Variants in CFAP54 observed in about 807,000 individuals in gnomAD.
CFAP54 encodes cilia- and flagella-associated protein 54.
Under a neutral mutation model 370.4 loss-of-function variants are expected in CFAP54, and 290 were observed. That is an observed-to-expected ratio of 0.78 (90% CI 0.71 to 0.86). The LOEUF (loss-of-function observed/expected upper bound fraction) is 0.86. Among genes scored for constraint, CFAP54 ranks in the 40% least tolerant of loss-of-function variants. CFAP54 has a pLI of 0.00. For missense variants in CFAP54, 3,399 were observed against 3,528.7 expected, an observed-to-expected ratio of 0.96 and a Z score of 0.93; for synonymous variants, 1,206 against 1,236.5, an observed-to-expected ratio of 0.98 and a Z score of 0.52.
Position 96,656,481 on chromosome 12 carries a change from G to A in CFAP54, c.5101-1401G>A, listed in dbSNP as rs556963412. Among the ~76,000 whole-genome samples the A allele has an allele frequency of 7.7e-4, 117 of 152,242 alleles. 1 individual carries two copies. The highest frequency in any genetic ancestry group is 1.4e-3 in the Non-Finnish European group (94 of 68,020). On this transcript the variant is annotated intron_variant, in intron 36 of 67. Coordinates refer to ENST00000524981, the MANE Select transcript of CFAP54 (RefSeq NM_001306084.2). ...CAACCTCCACCTCCTGGGTTCAAGC[G>A]ATTCATTCTCCTGCCTCAGCCTCCT...
intron 62 of CFAP54, among the ~76,000 whole-genome samples, chr12:96,789,844 G>A (rs546612447): frequency 7.9e-5 from 12 of 152,250 alleles, no homozygotes; most frequent in African/African-American, 2.6e-4. Context: ...CTCATCATGT[G>A]TTCGTTTCAC....
chr12:96,547,793 C>G (rs1955656318), intron 14 of CFAP54, 109 bp from the exon 15 acceptor site: 2 of 421,280 alleles, frequency 4.7e-6, no homozygotes, highest in African/African-American at 4.1e-5. Context: ...TTCGTTTCCT[C>G]CTCACTCTTG....
chr12:96,674,938 G>A lies in CFAP54; in HGVS notation c.5564-4662G>A, dbSNP rs149113135. The stretch of plus-strand genomic sequence containing the variant: ...TTACACCTTATACAAAAATTAATTC[G>A]AGATGGATTAAAGACTTAAATTTTA... On this transcript the variant is annotated intron_variant, in intron 39 of 67. Transcript: ENST00000524981. 3.4e-3 allele frequency among the ~76,000 whole-genome samples: 510 copies of A among 152,112 alleles called. 3 individuals are homozygous for A. The highest frequency in any genetic ancestry group is 0.011 in the African/African-American group (477 of 41,482).
intron 26 of CFAP54, among the ~76,000 whole-genome samples, chr12:96,619,630 T>C (rs1956462971): frequency 6.6e-6 from 1 of 152,208 alleles, no homozygotes; most frequent in Admixed American, 6.5e-5. Context: ...GTTTTTCCTT[T>C]GGCTGGAAAA....
At chr12:96,792,807 A>G (rs1294880232) in intron 63 of CFAP54, among the ~76,000 whole-genome samples, 2 of 151,764 alleles carry the variant, frequency 1.3e-5, no homozygotes, top group Non-Finnish European at 2.9e-5. Context: ...TTTTACTGCT[A>G]TTTTGCTAAG....
chr12:96,666,742 C>G (rs1957085911), intron 39 of CFAP54, among the ~76,000 whole-genome samples: 1 of 152,152 alleles, frequency 6.6e-6, no homozygotes, highest in Admixed American at 6.5e-5. Context: ...GGTGGGGATA[C>G]AGCCAAACCA....
intron 1 of CFAP54, among the ~76,000 whole-genome samples, chr12:96,498,795 G>A (rs1954988048): frequency 6.6e-6 from 1 of 152,110 alleles, no homozygotes; most frequent in Non-Finnish European, 1.5e-5. Flanking sequence ...TCATTAAAAT[G>A]AAAAATTTCT....
intron 55 of CFAP54, among the ~76,000 whole-genome samples, chr12:96,750,283 CCTG>C (rs1565964410): frequency 4.0e-5 from 6 of 148,640 alleles, no homozygotes. Context: ...CCACCTGTCT[CCTG>C]CAGCAGCAGC....
chr12:96,665,980 C>T (rs1047105800), intron 39 of CFAP54, among the ~76,000 whole-genome samples: 1 of 152,154 alleles, frequency 6.6e-6, no homozygotes, highest in Non-Finnish European at 1.5e-5. Context: ...TTGTTTGTGT[C>T]ATCTCTGATT....
chr12:96,792,895 A>G (rs186639283), intron 63 of CFAP54, among the ~76,000 whole-genome samples: 53 of 152,044 alleles, frequency 3.5e-4, no homozygotes, highest in African/African-American at 1.1e-3. Context: ...AATTGATTTT[A>G]TAATGTTAGA....
chr12:96,838,897 C>G (rs1051369825), intron 66 of CFAP54, among the ~76,000 whole-genome samples: 7 of 152,212 alleles, frequency 4.6e-5, no homozygotes, highest in African/African-American at 1.7e-4. Context: ...GGTGACAAGA[C>G]TTGCCCAAAG....
Position 96,489,778 on chromosome 12 carries a change from C to G in CFAP54, c.169C>G (p.Pro57Ala). The change falls in exon 1 of 68, where the codon CCC becomes GCC. Residue 57 changes from proline (P) to alanine (A), a missense_variant. Pro to Ala is a conservative substitution (Grantham distance 27). This residue lies in a region of CFAP54 where 559 missense variants were observed against 576.7 expected (regional missense o/e 0.97). Coordinates refer to ENST00000524981, the MANE Select transcript of CFAP54 (RefSeq NM_001306084.2). ...LQWTCPEDSL[P>A]LAVFYGPLDA... ...GTGGACCTGCCCCGAGGACTCATTG[C>G]CCCTAGCCGTGTTTTATGGGCCGCT... 1.5e-5 allele frequency: 23 copies of G among 1,536,116 alleles called. No individual in the cohort carries two copies. Among genetic ancestry groups the G allele is most frequent in the Non-Finnish European group, 1.8e-5 (21 of 1,146,902 alleles).
chr12:96,636,917 A>G (rs1247486057), intron 32 of CFAP54, among the ~76,000 whole-genome samples: 1 of 152,178 alleles, frequency 6.6e-6, no homozygotes, highest in Admixed American at 6.6e-5. Flanking sequence ...GTCACATGCC[A>G]ACAATTTACC....
chr12:96,514,573 C>T (rs1048928701), intron 5 of CFAP54, among the ~76,000 whole-genome samples: 2 of 152,214 alleles, frequency 1.3e-5, no homozygotes, highest in African/African-American at 4.8e-5. Context: ...CATGGCTTCA[C>T]AGGACCATCA....
intron 39 of CFAP54, among the ~76,000 whole-genome samples, chr12:96,673,327 C>G (rs1957170311): frequency 1.3e-5 from 2 of 152,144 alleles, no homozygotes; most frequent in Non-Finnish European, 2.9e-5. Context: ...CTCCGTTGCT[C>G]CCTTTCAGAT....
At chr12:96,774,577 T>A (rs958766602) in intron 60 of CFAP54, among the ~76,000 whole-genome samples, 11 of 152,258 alleles carry the variant, frequency 7.2e-5, no homozygotes, top group African/African-American at 2.6e-4. Context: ...TAAGTCCCCA[T>A]TAATTACTCT....
intron 62 of CFAP54, among the ~76,000 whole-genome samples, chr12:96,787,371 G>A (rs1958639736): frequency 6.6e-6 from 1 of 152,274 alleles, no homozygotes; most frequent in South Asian, 2.1e-4. Flanking sequence ...AATTAAAAGT[G>A]TGAAGACTTT....
intron 40 of CFAP54, among the ~76,000 whole-genome samples, chr12:96,680,916 T>G (rs2136549275): frequency 6.6e-6 from 1 of 152,234 alleles, no homozygotes; most frequent in South Asian, 2.1e-4. Flanking sequence ...AAACCCTGTC[T>G]CTACTAAAAA....
rs10659998 is a variant in CFAP54 at position 96,739,190 on chromosome 12, T to TGA, written c.6966-765_6966-764dup. On this transcript the variant is annotated intron_variant, in intron 50 of 67. Coordinates refer to ENST00000524981, the MANE Select transcript of CFAP54 (RefSeq NM_001306084.2). ...ATCCAGTTTTTTTTTAATGTGTGTGTGATGAACATCTTCAGGCATACAGGT... is the reference window on the plus strand; with the variant it reads ...ATCCAGTTTTTTTTTAATGTGTGTGTGAGATGAACATCTTCAGGCATACAGGT... Among the ~76,000 whole-genome samples the TGA allele has an allele frequency of 5.8e-3, 887 of 152,270 alleles. 7 individuals are homozygous for TGA. Among genetic ancestry groups the TGA allele is most frequent in the African/African-American group, 0.02 (828 of 41,554 alleles).
Sources: allele counts gnomAD v4.1 joint callset (sites outside exome capture counted in the v4.1 genomes callset), GRCh38; gene constraint gnomAD v4.1.1; regional missense constraint gnomAD v4.1.1; transcripts MANE v1.5; gene names NCBI Gene and HGNC (gene_info 2026-07-23, HGNC 2026-07-21).